RABGEF1: variants seen among roughly 807,000 people sequenced by gnomAD.
RABGEF1 encodes the protein RAB guanine nucleotide exchange factor 1, also known as rab5 GDP/GTP exchange factor.
Under a neutral mutation model 57.3 loss-of-function variants are expected in RABGEF1, and 26 were observed. The observed-to-expected ratio is 0.45, with a 90% CI of 0.33 to 0.63. The LOEUF (loss-of-function observed/expected upper bound fraction) is 0.63. Ranked by LOEUF, RABGEF1 falls within the 20% of genes least tolerant of loss-of-function variation. The pLI, the probability that RABGEF1 is intolerant of heterozygous loss-of-function variation, is 0.02. For missense variants in RABGEF1, 464 were observed against 607.6 expected (o/e 0.76, Z 2.48); for synonymous variants, 185 against 210.7 (o/e 0.88, Z 1.06).
intron 1 of RABGEF1, among the ~76,000 whole-genome samples, chr7:66,691,173 T>G (rs1284449273): frequency 6.6e-6 from 1 of 152,216 alleles, no homozygotes; most frequent in South Asian, 2.1e-4. Context: ...TTGGTGGAAC[T>G]GTAAACTAGT....
At chr7:66,714,546 ATTG>A (rs1795138671) in intron 2 of RABGEF1, among the ~76,000 whole-genome samples, 1 of 151,840 alleles carries the variant, frequency 6.6e-6, no homozygotes, top group Non-Finnish European at 1.5e-5. Context: ...TGATTTCTCT[ATTG>A]TTTTCAGTTT....
Position 66,801,952 on chromosome 7 carries a change from G to A in RABGEF1, c.820+2538G>A, listed in dbSNP as rs539623964. 4.6e-5 allele frequency among the ~76,000 whole-genome samples: 7 copies of A among 152,292 alleles called. No homozygotes were observed. The East Asian group carries it at 1.3e-3, about 29-fold the overall frequency. ...TGAGACAGGATCTCTCTGTCACCCA[G>A]GCTGGAGTGCAAGTGGCAACGATCA... On this transcript the variant is annotated intron_variant, in intron 7 of 8. Coordinates refer to ENST00000284957, the MANE Select transcript of RABGEF1 (RefSeq NM_014504.3).
chr7:66,792,062 A>G (rs1812805510), intron 4 of RABGEF1, among the ~76,000 whole-genome samples: 1 of 151,628 alleles, frequency 6.6e-6, no homozygotes, highest in African/African-American at 2.4e-5. Flanking sequence ...CAGTGAACTG[A>G]GATCACGCCA....
chr7:66,773,526 C>T (rs1807730266), intron 2 of RABGEF1, among the ~76,000 whole-genome samples: 1 of 152,186 alleles, frequency 6.6e-6, no homozygotes, highest in South Asian at 2.1e-4. Context: ...GGACCTTACC[C>T]ACAGAGTCTC....
At chr7:66,789,613 G>A (rs1260327001) in intron 4 of RABGEF1, among the ~76,000 whole-genome samples, 1 of 148,560 alleles carries the variant, frequency 6.7e-6, no homozygotes, top group Non-Finnish European at 1.5e-5. Flanking sequence ...AACCCGGGAG[G>A]CGGAGCTTGC....
the RABGEF1 span, among the ~76,000 whole-genome samples, chr7:66,657,830 C>G: frequency 1.1e-4 from 17 of 151,580 alleles, no homozygotes; most frequent in African/African-American, 3.6e-4. Context: ...CAAAAAAAAT[C>G]AATAAAAATA....
At chr7:66,672,782 T>C in the RABGEF1 span, among the ~76,000 whole-genome samples, 3 of 152,284 alleles carry the variant, frequency 2.0e-5, no homozygotes, top group Non-Finnish European at 4.4e-5. Flanking sequence ...AGATCATTTT[T>C]ATTCTCAGAA....
chr7:66,656,569 C>T, the RABGEF1 span, among the ~76,000 whole-genome samples: 1 of 152,068 alleles, frequency 6.6e-6, no homozygotes, highest in Non-Finnish European at 1.5e-5. Context: ...TGCCTGTAAT[C>T]CCAGCACTTT....
chr7:66,797,323 AGAG>A (rs1786225494), intron 5 of RABGEF1, 48 bp from the exon 6 acceptor site: 10 of 1,452,704 alleles, frequency 6.9e-6, no homozygotes, highest in African/African-American at 1.5e-5. Flanking sequence ...AAAAAAAAAG[AGAG>A]AGAAAAAATA....
upstream of RABGEF1, among the ~76,000 whole-genome samples, chr7:66,738,013 TG>T (rs199864371): frequency 3.0e-3 from 402 of 132,764 alleles, 2 homozygotes; most frequent in South Asian, 5.4e-3. Context: ...TTGTGTTTTT[TG>T]TTTTTTTTGT....
chr7:66,715,861 CT>C lies in RABGEF1; in HGVS notation c.-815+3639del, dbSNP rs1795333849. Among the ~76,000 whole-genome samples the C allele has an allele frequency of 2.0e-5, 3 of 152,140 alleles. No individual in the cohort carries two copies. The South Asian group carries it at 6.2e-4, about 31-fold the overall frequency. ...CTCCAACTCCTGGGTTCAGGTGCTC[CT>C]TGTGCCTCCGCCTCCTGAATAGCTG... On this transcript the variant is annotated intron_variant and NMD_transcript_variant, in intron 2 of 9. Transcript: ENST00000607882.
In RABGEF1 at chr7:66,809,251, TC is replaced by T; in HGVS notation, c.1445del (p.Pro482HisfsTer26). ...SENVENDKLP[P>X]PLQPQVYAG ...AAAACGTTGAAAATGATAAACTTCC[TC>T]CACCACTGCAACCTCAAGTTTATGC... On this transcript the variant is annotated frameshift_variant, in exon 9 of 9. Coordinates refer to ENST00000284957, the MANE Select transcript of RABGEF1 (RefSeq NM_014504.3). LOFTEE classifies it high-confidence loss of function. 6.2e-7 allele frequency: 1 copy of T among 1,611,396 alleles called. No individual in the cohort carries two copies. Among genetic ancestry groups the T allele is most frequent in the Non-Finnish European group, 8.5e-7 (1 of 1,178,052 alleles).
At chr7:66,702,574 G>A (rs1339965420) in intron 1 of RABGEF1, among the ~76,000 whole-genome samples, 1 of 152,074 alleles carries the variant, frequency 6.6e-6, no homozygotes, top group Non-Finnish European at 1.5e-5. Flanking sequence ...CACGGAGGCT[G>A]CACCATTTTG....
rs543506730 is a variant in RABGEF1 at position 66,735,216 on chromosome 7, T to C, written c.-814-4780T>C. On this transcript the variant is annotated intron_variant and NMD_transcript_variant, in intron 2 of 9. Coordinates refer to the RABGEF1 transcript ENST00000607882. The stretch of plus-strand genomic sequence containing the variant: ...CCATTGTTGTGTAGTGCTTGTGTTA[T>C]CATGGCTTGCATTTTTAGGTAGGAT... Among the ~76,000 whole-genome samples the C allele has an allele frequency of 4.6e-5, 7 of 152,340 alleles. No homozygotes were observed. The East Asian group carries it at 1.3e-3, about 29-fold the overall frequency.
intron 3 of RABGEF1, among the ~76,000 whole-genome samples, chr7:66,778,989 C>T (rs1809216483): frequency 6.6e-6 from 1 of 152,006 alleles, no homozygotes; most frequent in Non-Finnish European, 1.5e-5. Context: ...GAAGTGTGCG[C>T]CTGTAATCCC....
chr7:66,778,743 G>T (rs1195728806), intron 3 of RABGEF1, among the ~76,000 whole-genome samples: 3 of 152,152 alleles, frequency 2.0e-5, no homozygotes, highest in African/African-American at 4.8e-5. Context: ...ATATTTTGGG[G>T]ACATTTCAGA....
chr7:66,730,882 G>T (rs1443162461), intron 2 of RABGEF1, among the ~76,000 whole-genome samples: 2 of 152,172 alleles, frequency 1.3e-5, no homozygotes, highest in African/African-American at 4.8e-5. Flanking sequence ...ATTCTCACTT[G>T]TGAGCAGGTA....
chr7:66,772,755 T>TA (rs1435059220), intron 2 of RABGEF1, among the ~76,000 whole-genome samples: 3 of 151,544 alleles, frequency 2.0e-5, no homozygotes, highest in Non-Finnish European at 2.9e-5. Context: ...CTAAAAATAT[T>TA]AAAAAAGTTA....
chr7:66,751,109 C>T (rs534914390), intron 1 of RABGEF1, among the ~76,000 whole-genome samples: 3 of 151,234 alleles, frequency 2.0e-5, no homozygotes, highest in African/African-American at 7.3e-5. Flanking sequence ...TGGCTCACTG[C>T]AACCTCCACC....
Sources: allele counts gnomAD v4.1 joint callset (sites outside exome capture counted in the v4.1 genomes callset), GRCh38; gene constraint gnomAD v4.1.1; transcripts MANE v1.5; gene names NCBI Gene and HGNC (gene_info 2026-07-23, HGNC 2026-07-21).